SH3BP2: variants seen among roughly 807,000 people sequenced by gnomAD.
SH3BP2 encodes the protein SH3 domain-binding protein 2.
SH3BP2 carries 38 observed loss-of-function variants against 56.2 expected under a neutral mutation model. That is an observed-to-expected ratio of 0.68 (90% CI 0.52 to 0.89). The LOEUF (loss-of-function observed/expected upper bound fraction) is 0.89, where lower values mean the gene tolerates loss of function less well. SH3BP2 is among the 40% of genes least tolerant of loss of function. SH3BP2 has a pLI of 0.00. For synonymous variants in SH3BP2, 346 were observed against 316.7 expected (o/e 1.09, Z -0.98); for missense variants, 748 against 762.6 (o/e 0.98, Z 0.23).
chr4:2,823,362 C>T (rs1285921444), intron 3 of SH3BP2: 1 of 488,168 alleles, frequency 2.0e-6, no homozygotes, highest in Admixed American at 2.3e-5. Flanking sequence ...CCCTCCCCAC[C>T]TTGCCCCTTC....
At position 2,810,693 on chromosome 4, in the gene SH3BP2, C is replaced by T. The variant is rs1448726799; in HGVS notation, c.-4-9921C>T. Among the ~76,000 whole-genome samples, 1 of 152,050 alleles carries T rather than the reference C, an allele frequency of 6.6e-6. No individual in the cohort carries two copies. Among genetic ancestry groups the T allele is most frequent in the African/African-American group, 2.4e-5 (1 of 41,388 alleles). ...ACCCCAGCTCCTTCCAGCAAACTTCCTCCTCTATCAAAGCTGGGCCCCTCC... is the reference window on the plus strand; with the variant it reads ...ACCCCAGCTCCTTCCAGCAAACTTCTTCCTCTATCAAAGCTGGGCCCCTCC... On this transcript the variant is annotated intron_variant, in intron 1 of 12. Coordinates refer to ENST00000503393, the MANE Select transcript of SH3BP2 (RefSeq NM_001122681.2). The surrounding 1 kb of genome is among the most constrained non-coding windows in gnomAD (Gnocchi z 4.2).
intron 6 of SH3BP2, 138 bp downstream of exon 6, chr4:2,827,456 G>T: frequency 1.7e-6 from 2 of 1,172,198 alleles, no homozygotes; most frequent in Non-Finnish European, 2.5e-6. Flanking sequence ...GCATCCCTGG[G>T]CTCTGGCCTT....
intron 1 of SH3BP2, among the ~76,000 whole-genome samples, chr4:2,803,379 G>A (rs1723391395): frequency 6.6e-6 from 1 of 152,180 alleles, no homozygotes; most frequent in South Asian, 2.1e-4. Context: ...TCCGGGATAA[G>A]CAGGGTGCTG....
chr4:2,826,574 CTGTG>C (rs1360721825), intron 5 of SH3BP2: 26 of 245,184 alleles, frequency 1.1e-4, no homozygotes, highest in Middle Eastern at 1.7e-3. Context: ...GCATGTTGCT[CTGTG>C]TGTGTGTGCA....
chr4:2,800,108 G>A (rs1723207996), intron 1 of SH3BP2, among the ~76,000 whole-genome samples: 1 of 151,932 alleles, frequency 6.6e-6, no homozygotes, highest in African/African-American at 2.4e-5. Context: ...CTGGGTGGGA[G>A]TGGAGGAGGT....
chr4:2,832,653 C>T (rs1004081394), intron 11 of SH3BP2, among the ~76,000 whole-genome samples: 4 of 152,216 alleles, frequency 2.6e-5, no homozygotes, highest in African/African-American at 9.6e-5. Flanking sequence ...GGGTAGGGCT[C>T]ATGCTCTGGG....
intron 1 of SH3BP2, chr4:2,818,674 G>A (rs960435846): frequency 1.0e-6 from 1 of 995,018 alleles, no homozygotes; most frequent in Non-Finnish European, 1.2e-6. Flanking sequence ...GGCCGGGCGC[G>A]GTTGGGCGGG....
chr4:2,833,440 A>C (rs537857558), intron 12 of SH3BP2: 38 of 596,760 alleles, frequency 6.4e-5, no homozygotes, highest in Non-Finnish European at 1.0e-4. Context: ...TGCCTGGCCT[A>C]GGTTCATTTC....
Position 2,829,045 on chromosome 4 carries a change from G to A in SH3BP2, c.587-448G>A, listed in dbSNP as rs1289436738. On this transcript the variant is annotated intron_variant, in intron 7 of 12. Transcript: ENST00000503393. The surrounding 1 kb of genome is among the most constrained non-coding windows in gnomAD (Gnocchi z 4.9). ...AACTCTGCACACATTCCCTGACCCC[G>A]CATCCCCTGGCATCTCCCAGCTTTC... Among the ~76,000 whole-genome samples, 3 of 152,086 alleles carry A rather than the reference G, an allele frequency of 2.0e-5. No individual in the cohort carries two copies. Among genetic ancestry groups the A allele is most frequent in the South Asian group, 2.1e-4 (1 of 4,820 alleles).
chr4:2,825,890 G>A (rs977766266), intron 5 of SH3BP2, among the ~76,000 whole-genome samples: 14 of 152,238 alleles, frequency 9.2e-5, no homozygotes, highest in African/African-American at 3.4e-4. Context: ...CTGGCCCGAC[G>A]TGCAGCAGAT....
intron 5 of SH3BP2, among the ~76,000 whole-genome samples, chr4:2,825,713 ATGTG>A (rs907539296): frequency 6.6e-6 from 1 of 152,192 alleles, no homozygotes. Context: ...TTAGGGGATC[ATGTG>A]TGTTTATACG....
At chr4:2,824,808 G>A (rs1426960220) in intron 4 of SH3BP2, 78 bp downstream of exon 4, 5 of 1,124,858 alleles carry the variant, frequency 4.4e-6, no homozygotes, top group East Asian at 4.7e-5. Context: ...CTGCCTTGGG[G>A]GCTCGCTGGT....
rs1725252614 is a variant in SH3BP2, at chr4:2,836,911, G to T, written c.*3077G>T. The T allele has an allele frequency of 6.6e-6, 1 of 152,266 alleles. No homozygotes were observed. Among genetic ancestry groups the T allele is most frequent in the African/African-American group, 2.4e-5 (1 of 41,468 alleles). 9.4% of individuals were successfully genotyped at this position (152,266 alleles called of 1,614,324 possible). On this transcript the variant is annotated 3_prime_UTR_variant, in exon 13 of 13. Transcript: ENST00000503393. ...CAGGTGGGCTCAGTTCTGGGGCTTG[G>T]GAAAAGGGCCCCAGTGGCTTTGGGA...
intron 2 of SH3BP2, among the ~76,000 whole-genome samples, chr4:2,822,162 G>A (rs1724345050): frequency 6.6e-6 from 1 of 152,038 alleles, no homozygotes; most frequent in Admixed American, 6.6e-5. Flanking sequence ...ACCGCGCCTG[G>A]CCTATTTATT....
intron 1 of SH3BP2, among the ~76,000 whole-genome samples, chr4:2,801,298 G>A (rs958728829): frequency 6.6e-6 from 1 of 152,226 alleles, no homozygotes; most frequent in Non-Finnish European, 1.5e-5. Flanking sequence ...GGGCCACGCT[G>A]AGGGTGAGGA....
In SH3BP2 at chr4:2,824,744, C is replaced by T. The variant is rs752171978; in HGVS notation, c.357+14C>T. The T allele has an allele frequency of 6.3e-6, 10 of 1,581,322 alleles. No individual in the cohort carries two copies. Among genetic ancestry groups the T allele is most frequent in the Admixed American group, 1.7e-5 (1 of 59,964 alleles). Reference sequence around the variant, plus strand: ...GAGGAGCGCAAGGTGACTGGGGGTCCGAGGACGAGTGCAAGGTGACTGGGG... The same window carrying T: ...GAGGAGCGCAAGGTGACTGGGGGTCTGAGGACGAGTGCAAGGTGACTGGGG... On this transcript the variant is annotated intron_variant, in intron 4 of 12. Transcript: ENST00000503393.
intron 3 of SH3BP2, among the ~76,000 whole-genome samples, chr4:2,824,135 C>T (rs1429012133): frequency 6.6e-6 from 1 of 152,174 alleles, no homozygotes; most frequent in Non-Finnish European, 1.5e-5. Context: ...GGCAGGGCTC[C>T]CCACGTGATA....
chr4:2,829,743 T>A lies in SH3BP2; in HGVS notation c.837T>A (p.Asp279Glu), dbSNP rs1724872758. 1 of 1,612,130 alleles carries A rather than the reference T, an allele frequency of 6.2e-7. No homozygotes were observed. Among genetic ancestry groups the A allele is most frequent in the Non-Finnish European group, 8.5e-7 (1 of 1,179,706 alleles). The change falls in exon 8 of 13, where the codon GAT becomes GAA. Residue 279 changes from aspartate (D) to glutamate (E), a missense_variant. Transcript: ENST00000503393. This position sits in a 1 kb window ranked among gnomAD's most constrained non-coding sequence, Gnocchi z 4.9. ...CTGCTACCCCCCGAAGGATGAGCGA[T>A]CCCCCTCTGAGCACCATGCCCACCG... ...RVPATPRRMS[D>E]PPLSTMPTAP...
Position 2,835,717 on chromosome 4 carries a change from C to G in SH3BP2, c.*1883C>G, listed in dbSNP as rs1725207437. The G allele has an allele frequency of 6.6e-6, 1 of 152,230 alleles. No homozygotes were observed. The highest frequency in any genetic ancestry group is 1.5e-5 in the Non-Finnish European group (1 of 68,072). 9.4% of individuals were successfully genotyped at this position (152,230 alleles called of 1,614,324 possible). On this transcript the variant is annotated 3_prime_UTR_variant, in exon 13 of 13. Transcript: ENST00000503393. ...TCCGCTCACTGCCACCTCCGCCTCT[C>G]TAGTTCAAGCGATTTTCCTGCCTCA...
Sources: allele counts gnomAD v4.1 joint callset (sites outside exome capture counted in the v4.1 genomes callset), GRCh38; gene constraint gnomAD v4.1.1; non-coding constraint Gnocchi (gnomAD v3.1); transcripts MANE v1.5; gene names NCBI Gene and HGNC (gene_info 2026-07-23, HGNC 2026-07-21).